The following KCNN3 variants were observed in gnomAD, a reference collection of about 807,000 sequenced individuals.
KCNN3 encodes the protein small conductance calcium-activated potassium channel protein 3.
Under a neutral mutation model 62.9 loss-of-function variants are expected in KCNN3, and 16 were observed. That is an observed-to-expected ratio of 0.25 (90% CI 0.17 to 0.39). The LOEUF (loss-of-function observed/expected upper bound fraction) is 0.39. Among genes scored for constraint, KCNN3 ranks in the 10% least tolerant of loss-of-function variants. KCNN3 has a pLI of 1.00. For synonymous variants in KCNN3, 370 were observed against 389.2 expected (o/e 0.95, Z 0.58); for missense variants, 599 against 949.4 (o/e 0.63, Z 4.85).
At chr1:154,780,194 CTTTTTTTTT>C (rs71077969) in intron 2 of KCNN3, among the ~76,000 whole-genome samples, 8,572 of 102,136 alleles carry the variant, frequency 0.084, 298 homozygotes, top group Middle Eastern at 0.096. Flanking sequence ...TTCTTTTTTT[CTTTTTTTTT>C]TTTTTTTTTT....
In KCNN3 at chr1:154,869,285, T is replaced by C. The variant is rs772255794; in HGVS notation, c.680A>G (p.Asn227Ser). 4.3e-6 allele frequency: 7 copies of C among 1,613,588 alleles called. No homozygotes were observed. The highest frequency in any genetic ancestry group is 5.1e-6 in the Non-Finnish European group (6 of 1,179,836). The change falls in exon 1 of 8, where the codon AAC becomes AGC. Residue 227 changes from asparagine to serine, a missense_variant. Asn to Ser is a conservative substitution (Grantham distance 46). Coordinates refer to ENST00000271915, the MANE Select transcript of KCNN3 (RefSeq NM_002249.6). This position sits in a 1 kb window ranked among gnomAD's most constrained non-coding sequence, Gnocchi z 6.1. The part of the protein sequence containing the change: ...PEIVISSRED[N>S]HAHQTLLHHP... ...ATGGAGCAGGGTCTGGTGGGCATGG[T>C]TGTCCTCCCGGGAGGAGATGACGAT...
At chr1:154,833,849 A>G (rs1409654454) in intron 1 of KCNN3, among the ~76,000 whole-genome samples, 1 of 152,252 alleles carries the variant, frequency 6.6e-6, no homozygotes, top group Non-Finnish European at 1.5e-5. Context: ...AGGAGAAACA[A>G]TAATTACCTA....
intron 3 of KCNN3, among the ~76,000 whole-genome samples, chr1:154,743,391 A>G (rs1700867429): frequency 6.6e-6 from 1 of 152,174 alleles, no homozygotes; most frequent in Non-Finnish European, 1.5e-5. Flanking sequence ...TGTATCCCTC[A>G]GAAAAAAAGC....
chr1:154,737,696 A>G (rs1355658570), intron 3 of KCNN3, among the ~76,000 whole-genome samples: 1 of 152,176 alleles, frequency 6.6e-6, no homozygotes, highest in Admixed American at 6.5e-5. Context: ...GTCTTCCTAG[A>G]GGGGCTGGAA....
chr1:154,754,565 A>T (rs542638617), intron 3 of KCNN3, among the ~76,000 whole-genome samples: 7 of 152,364 alleles, frequency 4.6e-5, no homozygotes, highest in African/African-American at 1.7e-4. Context: ...TGTCCTTAAC[A>T]AGAAAGAAAC....
intron 3 of KCNN3, among the ~76,000 whole-genome samples, chr1:154,767,936 C>T (rs1648372886): frequency 6.6e-6 from 1 of 152,210 alleles, no homozygotes; most frequent in African/African-American, 2.4e-5. Context: ...TGAGAACTGT[C>T]TTTTAAAATA....
At position 154,707,933 on chromosome 1, in the gene KCNN3, T is replaced by C. The variant is rs1156463621; in HGVS notation, c.*43A>G. The C allele has an allele frequency of 6.3e-7, 1 of 1,592,084 alleles. No homozygotes were observed. The highest frequency in any genetic ancestry group is 8.6e-7 in the Non-Finnish European group (1 of 1,165,808). ...GCGACCAGGAGAGAGTTGATTTGCATCTTAAGACCTATGGGTAATGCTTCT... is the reference window on the plus strand; with the variant it reads ...GCGACCAGGAGAGAGTTGATTTGCACCTTAAGACCTATGGGTAATGCTTCT... On this transcript the variant is annotated 3_prime_UTR_variant, in exon 8 of 8. Transcript: ENST00000271915.
intron 5 of KCNN3, among the ~76,000 whole-genome samples, chr1:154,721,352 T>G (rs949296545): frequency 2.0e-4 from 29 of 146,758 alleles, no homozygotes; most frequent in Non-Finnish European, 3.0e-5. Context: ...CAGGCTGGAG[T>G]GCAGTGGCAC....
chr1:154,734,873 A>C (rs1700677491), intron 3 of KCNN3, among the ~76,000 whole-genome samples: 1 of 152,192 alleles, frequency 6.6e-6, no homozygotes, highest in African/African-American at 2.4e-5. Context: ...AGCAAAGCCC[A>C]TGCTCCTTTC....
intron 1 of KCNN3, among the ~76,000 whole-genome samples, chr1:154,831,780 G>C (rs1651387055): frequency 6.6e-6 from 1 of 152,098 alleles, no homozygotes; most frequent in Admixed American, 6.5e-5. Flanking sequence ...TGCCTGCAGT[G>C]CTTGGTCCCA....
At chr1:154,758,354 G>C (rs987425697) in intron 3 of KCNN3, among the ~76,000 whole-genome samples, 3 of 152,172 alleles carry the variant, frequency 2.0e-5, no homozygotes, top group African/African-American at 7.2e-5. Flanking sequence ...CTGTGTACTA[G>C]GTGTTTTCCC....
At chr1:154,855,080 T>TGATG (rs1652466453) in intron 1 of KCNN3, among the ~76,000 whole-genome samples, 4 of 152,036 alleles carry the variant, frequency 2.6e-5, no homozygotes, top group South Asian at 4.1e-4. Flanking sequence ...TAGCCGGGTG[T>TGATG]GATGGCACGT....
chr1:154,725,844 A>C, intron 5 of KCNN3, 72 bp downstream of exon 5: 2 of 1,137,930 alleles, frequency 1.8e-6, no homozygotes, highest in Non-Finnish European at 2.6e-6. Flanking sequence ...CACCCGTTGG[A>C]CCATTTGCTT....
At chr1:154,765,670 C>T (rs1235316772) in intron 3 of KCNN3, among the ~76,000 whole-genome samples, 1 of 150,440 alleles carries the variant, frequency 6.6e-6, no homozygotes, top group Non-Finnish European at 1.5e-5. Flanking sequence ...ACTCTGTCAC[C>T]CAGGCTGGAG....
At chr1:154,801,137 G>A (rs1010153676) in intron 2 of KCNN3, among the ~76,000 whole-genome samples, 1 of 20,380 alleles carries the variant, frequency 4.9e-5, no homozygotes, top group African/African-American at 7.3e-5. Context: ...GAAAGGAGGT[G>A]GGGGGGAGAG....
intron 5 of KCNN3, among the ~76,000 whole-genome samples, chr1:154,717,386 C>T (rs1484403832): frequency 6.6e-6 from 1 of 152,156 alleles, no homozygotes; most frequent in Non-Finnish European, 1.5e-5. Flanking sequence ...GAGGAAACCA[C>T]TTCAGAGATG....
chr1:154,739,543 T>C (rs545592407), intron 3 of KCNN3, among the ~76,000 whole-genome samples: 9 of 152,038 alleles, frequency 5.9e-5, no homozygotes, highest in African/African-American at 2.2e-4. Flanking sequence ...ACCACAAGAG[T>C]ATGGTAGGAA....
At chr1:154,817,182 G>A (rs987710064) in intron 2 of KCNN3, among the ~76,000 whole-genome samples, 4 of 152,240 alleles carry the variant, frequency 2.6e-5, no homozygotes, top group Admixed American at 1.3e-4. Context: ...TGAGGAAGCT[G>A]AAAGGCTGAA....
intron 2 of KCNN3, among the ~76,000 whole-genome samples, chr1:154,820,541 G>A (rs539653305): frequency 2.1e-3 from 321 of 152,290 alleles, no homozygotes; most frequent in Non-Finnish European, 2.8e-3. Flanking sequence ...TGGATCCCGC[G>A]GCTGGCTTTG....
Sources: gnomAD v4.1 joint callset for allele counts (sites outside exome capture counted in the v4.1 genomes callset) on GRCh38, gnomAD v4.1.1 for gene constraint, Gnocchi (gnomAD v3.1) non-coding constraint, MANE v1.5 for transcripts, NCBI Gene and HGNC (gene_info 2026-07-23, HGNC 2026-07-21) for gene names.